GCNT1: variants seen among roughly 807,000 people sequenced by gnomAD.
GCNT1 encodes glucosaminyl (N-acetyl) transferase 1.
A neutral mutation model predicts 26.2 loss-of-function variants in GCNT1; 16 were observed. The observed-to-expected ratio is 0.61, with a 90% CI of 0.41 to 0.93. GCNT1 has a LOEUF of 0.93. Among genes scored for constraint, GCNT1 ranks in the 40% least tolerant of loss-of-function variants. The pLI is 0.00. For synonymous variants in GCNT1, 183 were observed against 190.8 expected (o/e 0.96, Z 0.34); for missense variants, 477 against 526.7 (o/e 0.91, Z 0.92).
the GCNT1 span, among the ~76,000 whole-genome samples, chr9:76,398,423 G>A: frequency 6.6e-6 from 1 of 152,204 alleles, no homozygotes; most frequent in African/African-American, 2.4e-5. Context: ...AACACCAAAT[G>A]CTGGCAACCA....
At chr9:76,475,304 T>G (rs1824227505) in intron 2 of GCNT1, among the ~76,000 whole-genome samples, 1 of 152,200 alleles carries the variant, frequency 6.6e-6, no homozygotes, top group Non-Finnish European at 1.5e-5. Flanking sequence ...AGATCACAAA[T>G]CAGTCCCTGA....
At chr9:76,441,021 C>T (rs954924464), upstream of GCNT1, among the ~76,000 whole-genome samples, 46 of 146,380 alleles carry the variant, frequency 3.1e-4, no homozygotes, top group African/African-American at 1.1e-3. Flanking sequence ...GCCAAGATCA[C>T]ACCACTGCAC....
chr9:76,491,593 C>A (rs933992844), intron 2 of GCNT1, among the ~76,000 whole-genome samples: 21 of 152,224 alleles, frequency 1.4e-4, no homozygotes, highest in African/African-American at 4.8e-4. Flanking sequence ...AAGAGGCTTA[C>A]TTTCAAGTAC....
At chr9:76,453,564 T>C (rs1278307125) in intron 1 of GCNT1, among the ~76,000 whole-genome samples, 1 of 152,152 alleles carries the variant, frequency 6.6e-6, no homozygotes, top group African/African-American at 2.4e-5. Context: ...GAGTTACCCA[T>C]GGCATTAGTG....
rs1009519818 is a variant in GCNT1, at chr9:76,498,727, C to T, written c.-289-2189C>T. On this transcript the variant is annotated intron_variant, in intron 2 of 3. Transcript: ENST00000376730. ...GCCAGAGGTTGCAGTGAACCAAGATCGCAGCACTGCACTCCAGCGTGGGCA... is the reference window on the plus strand; with the variant it reads ...GCCAGAGGTTGCAGTGAACCAAGATTGCAGCACTGCACTCCAGCGTGGGCA... 2.7e-5 allele frequency among the ~76,000 whole-genome samples: 4 copies of T among 149,230 alleles called. No homozygotes were observed. In the Admixed American group the frequency reaches 2.7e-4, roughly 10 times the overall value.
rs1207455829 is a variant in GCNT1 at position 76,500,953 on chromosome 9, G to A, written c.-252G>A. The A allele has an allele frequency of 6.6e-6, 1 of 152,078 alleles. No homozygotes were observed. 9.4% of individuals were successfully genotyped at this position (152,078 alleles called of 1,614,324 possible). On this transcript the variant is annotated 5_prime_UTR_variant, in exon 3 of 4. Coordinates refer to ENST00000376730, the MANE Select transcript of GCNT1 (RefSeq NM_001490.5). ...ACTCGTGCAGCACATCATTATCGCTGGATGCCCGGACATGTAATACACCTG... is the reference window on the plus strand; with the variant it reads ...ACTCGTGCAGCACATCATTATCGCTAGATGCCCGGACATGTAATACACCTG...
the GCNT1 span, chr9:76,394,264 G>A: frequency 1.2e-5 from 16 of 1,313,196 alleles, no homozygotes; most frequent in Admixed American, 6.9e-5. Flanking sequence ...ACCAGCCGGG[G>A]GACAGGAGCG....
At chr9:76,495,364 G>T (rs976227741) in intron 2 of GCNT1, among the ~76,000 whole-genome samples, 2 of 152,132 alleles carry the variant, frequency 1.3e-5, no homozygotes, top group African/African-American at 2.4e-5. Flanking sequence ...AGACCTTTGC[G>T]GTGAGTGTTA....
the GCNT1 span, among the ~76,000 whole-genome samples, chr9:76,408,870 G>C: frequency 6.6e-5 from 10 of 151,980 alleles, 1 homozygote; most frequent in Admixed American, 1.3e-4. Context: ...GTAATTTTTA[G>C]TAGAGACGGG....
Position 76,503,020 on chromosome 9 carries a change from G to A in GCNT1, c.639G>A (p.Leu213=), listed in dbSNP as rs757616309. The change falls in exon 4 of 4, where the codon TTG becomes TTA. Residue 213 remains leucine (L), a synonymous_variant. Coordinates refer to ENST00000376730, the MANE Select transcript of GCNT1 (RefSeq NM_001490.5). ...CAATGAGTGCAAACTGGAAGTACTT[G>A]ATAAATCTTTGTGGTATGGATTTTC... ...LYAMSANWKY[L]INLCGMDFPI... is the part of the protein sequence containing the mutation. 6.2e-6 allele frequency: 10 copies of A among 1,613,798 alleles called. No individual in the cohort carries two copies. The Admixed American group carries it at 1.2e-4, about 19-fold the overall frequency.
chr9:76,499,616 C>T (rs973479398), intron 2 of GCNT1, among the ~76,000 whole-genome samples: 1 of 152,120 alleles, frequency 6.6e-6, no homozygotes, highest in Non-Finnish European at 1.5e-5. Context: ...TGAGTTTATC[C>T]TCTTTGGCGC....
intron 2 of GCNT1, among the ~76,000 whole-genome samples, chr9:76,462,832 A>C (rs982578112): frequency 6.6e-6 from 1 of 152,038 alleles, no homozygotes; most frequent in Non-Finnish European, 1.5e-5. Context: ...TCCTATTCTG[A>C]GAAGCATGCC....
At chr9:76,415,396 T>A (rs1029219844), upstream of GCNT1, among the ~76,000 whole-genome samples, 2 of 152,126 alleles carry the variant, frequency 1.3e-5, no homozygotes, top group African/African-American at 2.4e-5. Context: ...CCCCTTGGAT[T>A]TTTCCCCCCA....
chr9:76,446,133 T>G (rs901840987), intron 1 of GCNT1, among the ~76,000 whole-genome samples: 5 of 152,158 alleles, frequency 3.3e-5, no homozygotes, highest in Non-Finnish European at 5.9e-5. Context: ...ATCAGGAAGC[T>G]TAAGGCCTGG....
chr9:76,448,918 C>A (rs909463437), intron 1 of GCNT1, among the ~76,000 whole-genome samples: 5 of 152,196 alleles, frequency 3.3e-5, no homozygotes, highest in Non-Finnish European at 4.4e-5. Flanking sequence ...CATCTGCTCA[C>A]TGTACATGTC....
At chr9:76,401,020 T>C in the GCNT1 span, among the ~76,000 whole-genome samples, 1 of 152,332 alleles carries the variant, frequency 6.6e-6, no homozygotes, top group Non-Finnish European at 1.5e-5. Context: ...GATTTAAGAC[T>C]TAATGCATGT....
At chr9:76,452,766 A>G (rs969859582) in intron 1 of GCNT1, among the ~76,000 whole-genome samples, 2 of 152,086 alleles carry the variant, frequency 1.3e-5, no homozygotes, top group Non-Finnish European at 2.9e-5. Flanking sequence ...CTACAATTCG[A>G]TATGAGATTT....
chr9:76,496,204 C>T (rs1198276759), intron 2 of GCNT1, among the ~76,000 whole-genome samples: 1 of 152,216 alleles, frequency 6.6e-6, no homozygotes, highest in African/African-American at 2.4e-5. Flanking sequence ...GCAGAGACTA[C>T]ATCTTGGATG....
At chr9:76,407,511 G>C in the GCNT1 span, among the ~76,000 whole-genome samples, 1 of 152,096 alleles carries the variant, frequency 6.6e-6, no homozygotes, top group African/African-American at 2.4e-5. Context: ...ATTACTTTTA[G>C]TAAATCCTGT....
Sources: allele counts gnomAD v4.1 joint callset (sites outside exome capture counted in the v4.1 genomes callset), GRCh38; gene constraint gnomAD v4.1.1; transcripts MANE v1.5; gene names NCBI Gene and HGNC (gene_info 2026-07-23, HGNC 2026-07-21).